TRAPPC11: variants seen among roughly 807,000 people sequenced by gnomAD.
TRAPPC11 encodes the protein foie gras homolog.
TRAPPC11 carries 104 observed loss-of-function variants against 151.2 expected under a neutral mutation model. The observed-to-expected ratio is 0.69, with a 90% CI of 0.59 to 0.81. The LOEUF is 0.81. TRAPPC11 is among the 30% of genes least tolerant of loss of function. The pLI, the probability that TRAPPC11 is intolerant of heterozygous loss-of-function variation, is 0.00. For missense variants in TRAPPC11, 1,230 were observed against 1,349.6 expected (o/e 0.91, Z 1.39); for synonymous variants, 456 against 472.3 (o/e 0.97, Z 0.45).
At chr4:183,682,606 T>G (rs1414177999) in intron 10 of TRAPPC11, 126 bp from the exon 11 acceptor site, 10 of 443,990 alleles carry the variant, frequency 2.3e-5, no homozygotes, top group Non-Finnish European at 4.0e-5. Flanking sequence ...TTCACAAATT[T>G]GATAATTGAA....
At chr4:183,709,532 T>C (rs1458939786) in intron 29 of TRAPPC11, among the ~76,000 whole-genome samples, 2 of 152,114 alleles carry the variant, frequency 1.3e-5, no homozygotes, top group East Asian at 1.9e-4. Flanking sequence ...TCCCAGCACT[T>C]TGGGAGGCCG....
rs966779411 is a variant in TRAPPC11, at chr4:183,664,954, G to A, written c.204+883G>A. Among the ~76,000 whole-genome samples the A allele has an allele frequency of 7.9e-5, 12 of 151,986 alleles. No homozygotes were observed. In the South Asian group the frequency reaches 1.2e-3, roughly 16 times the overall value. On this transcript the variant is annotated intron_variant, in intron 2 of 29. Transcript: ENST00000334690. ...TCTGGGAATATAGGACTTGGTCACC[G>A]GCTGATTATTTTTGTGTGTGTTTGA...
chr4:183,687,374 C>G (rs933076203), intron 18 of TRAPPC11, among the ~76,000 whole-genome samples: 1 of 151,748 alleles, frequency 6.6e-6, no homozygotes, highest in Non-Finnish European at 1.5e-5. Context: ...GGGTCTCGCT[C>G]TGTTGCCCAG....
chr4:183,681,367 G>T (rs1289592596), intron 10 of TRAPPC11, among the ~76,000 whole-genome samples: 1 of 151,906 alleles, frequency 6.6e-6, no homozygotes, highest in African/African-American at 2.4e-5. Context: ...TTTATTGTGT[G>T]TATTATATTT....
Position 183,686,903 on chromosome 4 carries a change from G to A in TRAPPC11, c.1893+155G>A, listed in dbSNP as rs369812428. On this transcript the variant is annotated intron_variant, in intron 18 of 29. Coordinates refer to ENST00000334690, the MANE Select transcript of TRAPPC11 (RefSeq NM_021942.6). Reference sequence around the variant, plus strand: ...TATTCAAAAATATATCTCCAGGGCCGGGCACAGTGGCTCACGCCTGTAATC... The same window carrying A: ...TATTCAAAAATATATCTCCAGGGCCAGGCACAGTGGCTCACGCCTGTAATC... Among the ~76,000 whole-genome samples, 5 of 152,230 alleles carry A rather than the reference G, an allele frequency of 3.3e-5. No individual in the cohort carries two copies. In the East Asian group the frequency reaches 7.7e-4, roughly 23 times the overall value.
intron 9 of TRAPPC11, among the ~76,000 whole-genome samples, chr4:183,679,885 T>G (rs946000218): frequency 6.6e-6 from 1 of 152,198 alleles, no homozygotes; most frequent in Non-Finnish European, 1.5e-5. Flanking sequence ...AGATCTAGTT[T>G]GATGGTATAT....
chr4:183,681,140 A>G (rs1218703939), intron 10 of TRAPPC11, among the ~76,000 whole-genome samples: 2 of 151,408 alleles, frequency 1.3e-5, no homozygotes, highest in African/African-American at 2.4e-5. Flanking sequence ...TGGTATATAT[A>G]TATAAATATA....
At chr4:183,710,931 C>T (rs541598867) in intron 29 of TRAPPC11, among the ~76,000 whole-genome samples, 4 of 151,022 alleles carry the variant, frequency 2.6e-5, no homozygotes, top group South Asian at 2.1e-4. Flanking sequence ...CTTGGGAGGC[C>T]GAGGCAGGAG....
intron 18 of TRAPPC11, 59 bp from the exon 19 acceptor site, chr4:183,691,257 C>G: frequency 6.0e-6 from 8 of 1,344,128 alleles, no homozygotes; most frequent in Non-Finnish European, 6.9e-6. Context: ...CTCCAAAGCA[C>G]TTGGCATTTA....
chr4:183,661,736 T>A (rs1295692345), intron 1 of TRAPPC11, among the ~76,000 whole-genome samples: 1 of 149,524 alleles, frequency 6.7e-6, no homozygotes, highest in East Asian at 2.0e-4. Flanking sequence ...TAAAATGTAG[T>A]GATAATTTTG....
chr4:183,680,224 C>CT lies in TRAPPC11; in HGVS notation c.1070_1071insT (p.Gln358ProfsTer12). 1 of 1,613,968 alleles carries CT rather than the reference C, an allele frequency of 6.2e-7. No individual in the cohort carries two copies. Among genetic ancestry groups the CT allele is most frequent in the South Asian group, 1.1e-5 (1 of 91,070 alleles). ...TATTACCAGCAGGCAGCATACTATG[C>CT]CCAGGAGCGGAAACAGCTTGCAAAA... is the stretch of plus-strand genomic sequence containing the variant. On this transcript the variant is annotated frameshift_variant, in exon 10 of 30. Transcript: ENST00000334690. LOFTEE classifies it high-confidence loss of function.
intron 2 of TRAPPC11, among the ~76,000 whole-genome samples, chr4:183,665,374 G>A (rs1209902973): frequency 6.6e-6 from 1 of 152,132 alleles, no homozygotes; most frequent in Non-Finnish European, 1.5e-5. Context: ...GATTACAGGC[G>A]TGAGCCACCG....
chr4:183,711,327 G>C (rs997642682), intron 29 of TRAPPC11, among the ~76,000 whole-genome samples: 5 of 152,160 alleles, frequency 3.3e-5, no homozygotes, highest in Non-Finnish European at 7.3e-5. Flanking sequence ...GTGCTCAATC[G>C]CTAAATGTGA....
rs1245058711 is a variant in TRAPPC11, at chr4:183,663,971, C to G, written c.104C>G (p.Ala35Gly). The G allele has an allele frequency of 6.2e-7, 1 of 1,613,994 alleles. No individual in the cohort carries two copies. The highest frequency in any genetic ancestry group is 8.5e-7 in the Non-Finnish European group (1 of 1,180,018). Residue 35 changes from alanine (A) to glycine (G), a missense_variant, in exon 2 of 30, where the codon GCT (alanine) becomes GGT (glycine). By Grantham distance (60) the Ala-to-Gly change is moderately conservative. Transcript: ENST00000334690. ...LDVVYNAVHR[A>G]VWDAFCANRR... ...GTAGTTTATAATGCAGTCCATCGAG[C>G]TGTCTGGGACGCCTTCTGTGCAAAT...
rs777611107 is a variant in TRAPPC11 at position 183,708,526 on chromosome 4, C to A, written c.3309C>A (p.Phe1103Leu). The change falls in exon 29 of 30, where the codon TTC (phenylalanine) becomes TTA (leucine). Residue 1103 changes from phenylalanine (F) to leucine (L), a missense_variant. Transcript: ENST00000334690. ...LNINLLRFPNFTNQLLRRFIP... is the reference protein window; with the variant it reads ...LNINLLRFPNLTNQLLRRFIP... ...TCAACTTGCTTAGATTTCCTAACTT[C>A]ACAAATCAGCTGCTCAGGCGTTTTA... 2.0e-5 allele frequency: 32 copies of A among 1,613,998 alleles called. 1 individual carries two copies. In the South Asian group the frequency reaches 2.4e-4, roughly 12 times the overall value.
At chr4:183,702,132 T>G (rs1736831510) in intron 26 of TRAPPC11, among the ~76,000 whole-genome samples, 1 of 152,072 alleles carries the variant, frequency 6.6e-6, no homozygotes, top group Non-Finnish European at 1.5e-5. Context: ...TCGCTGGAGC[T>G]CAGGAGTTTG....
chr4:183,685,383 TACAGGA>T lies in TRAPPC11; in HGVS notation c.1743_1748del (p.Gln582_Asp583del), dbSNP rs1735915285. 2 of 1,613,700 alleles carry T rather than the reference TACAGGA, an allele frequency of 1.2e-6. No individual in the cohort carries two copies. Among genetic ancestry groups the T allele is most frequent in the African/African-American group, 2.7e-5 (2 of 74,924 alleles). On this transcript the variant is annotated inframe_deletion, in exon 17 of 30. Coordinates refer to ENST00000334690, the MANE Select transcript of TRAPPC11 (RefSeq NM_021942.6). The stretch of plus-strand genomic sequence containing the variant: ...GGCAGCAATATTTTCACAATAGGAG[TACAGGA>T]CTTTGTGCCATTTGGTAGGTAGCTA...
chr4:183,701,407 T>A, intron 25 of TRAPPC11: 1 of 257,366 alleles, frequency 3.9e-6, no homozygotes, highest in East Asian at 7.6e-5. Flanking sequence ...CCGTAAGATA[T>A]TGATTCTGTC....
chr4:183,669,076 A>G (rs1417892397), intron 5 of TRAPPC11, among the ~76,000 whole-genome samples: 2 of 152,232 alleles, frequency 1.3e-5, no homozygotes, highest in African/African-American at 2.4e-5. Flanking sequence ...CATTTAGCAG[A>G]GAACATGCAG....
Sources: gnomAD v4.1 joint callset for allele counts (sites outside exome capture counted in the v4.1 genomes callset) on GRCh38, gnomAD v4.1.1 for gene constraint, MANE v1.5 for transcripts, NCBI Gene and HGNC (gene_info 2026-07-23, HGNC 2026-07-21) for gene names.